TRIM45: variants seen among roughly 807,000 people sequenced by gnomAD.
The protein encoded by TRIM45 is E3 ubiquitin-protein ligase TRIM45.
TRIM45 carries 45 observed loss-of-function variants against 46.7 expected under a neutral mutation model. The observed-to-expected ratio is 0.96, with a 90% CI of 0.76 to 1.24. The LOEUF (loss-of-function observed/expected upper bound fraction) is 1.24, where lower values mean the gene tolerates loss of function less well. TRIM45 is among the 50% of genes most tolerant of loss of function. The pLI is 0.00. For synonymous variants in TRIM45, 259 were observed against 285.8 expected (o/e 0.91, Z 0.94); for missense variants, 680 against 728.4 (o/e 0.93, Z 0.77).
rs536289260 is a variant in TRIM45 at position 117,115,831 on chromosome 1, C to G, written c.1353-142G>C. On this transcript the variant is annotated intron_variant, in intron 3 of 5. Coordinates refer to ENST00000256649, the MANE Select transcript of TRIM45 (RefSeq NM_025188.4). This position sits in a 1 kb window ranked among gnomAD's most constrained non-coding sequence, Gnocchi z 4.2. ...AACAGGATGCTTCTTCCATTTGCTT[C>G]AGAAGTTAATTTTACAACAGAAGGT... 9 of 620,552 alleles carry G rather than the reference C, an allele frequency of 1.5e-5. No individual in the cohort carries two copies. In the African/African-American group the frequency reaches 1.5e-4, roughly 10 times the overall value. The allele number at this position is 620,552 out of a possible 1,614,324, so 38.4% of individuals were successfully genotyped here. A position where few individuals can be genotyped will look rare whatever the true frequency, so the allele number is the denominator to read the frequency against.
Position 117,115,495 on chromosome 1 carries a change from G to C in TRIM45, c.1467+80C>G. The C allele has an allele frequency of 9.9e-7, 1 of 1,010,196 alleles. No homozygotes were observed. The highest frequency in any genetic ancestry group is 1.6e-6 in the Non-Finnish European group (1 of 637,298). 62.6% of individuals were successfully genotyped at this position (1,010,196 alleles called of 1,614,324 possible). A position where few individuals can be genotyped will look rare whatever the true frequency, so the allele number is the denominator to read the frequency against. ...GGATTCTATTCAATCTCTCTGTATA[G>C]CTGATCCTATGTGAAATGTCTCCAG... On this transcript the variant is annotated intron_variant, in intron 4 of 5. Transcript: ENST00000256649. This position sits in a 1 kb window ranked among gnomAD's most constrained non-coding sequence, Gnocchi z 4.2.
At position 117,118,693 on chromosome 1, in the gene TRIM45, G is replaced by A. The variant is rs761358711; in HGVS notation, c.563C>T (p.Pro188Leu). The stretch of plus-strand genomic sequence containing the variant: ...TGCAGGGTGAACAGGACACAGGATG[G>A]GCTTCCCAATCCGGCTGTAGCCTTT... ...DLKGYSRIGK[P>L]ILCPVHPAEE... is the part of the protein sequence containing the mutation. The change falls in exon 2 of 6, where the codon CCC becomes CTC. Residue 188 changes from proline (P) to leucine (L), a missense_variant. Pro to Leu is a moderately conservative substitution (Grantham distance 98). Coordinates refer to ENST00000256649, the MANE Select transcript of TRIM45 (RefSeq NM_025188.4). The surrounding 1 kb of genome is among the most constrained non-coding windows in gnomAD (Gnocchi z 5.7). 1 of 1,613,816 alleles carries A rather than the reference G, an allele frequency of 6.2e-7. No individual in the cohort carries two copies. The highest frequency in any genetic ancestry group is 1.7e-5 in the Admixed American group (1 of 60,030).
In TRIM45 at chr1:117,113,031, A is replaced by C. The variant is rs1424290764; in HGVS notation, c.1594+328T>G. The stretch of plus-strand genomic sequence containing the variant: ...TCATTTGGAATTTATTTAAGGTTCT[A>C]AAAGGAATAAGATGGGTCCATAGTT... On this transcript the variant is annotated intron_variant, in intron 5 of 5. Coordinates refer to ENST00000256649, the MANE Select transcript of TRIM45 (RefSeq NM_025188.4). The surrounding 1 kb of genome is among the most constrained non-coding windows in gnomAD (Gnocchi z 4.0). Among the ~76,000 whole-genome samples the C allele has an allele frequency of 2.6e-5, 4 of 152,202 alleles. No homozygotes were observed. The highest frequency in any genetic ancestry group is 5.9e-5 in the Non-Finnish European group (4 of 68,028).
At position 117,116,192 on chromosome 1, in the gene TRIM45, A is replaced by G. The variant is rs192819630; in HGVS notation, c.1352+424T>C. Reference sequence around the variant, plus strand: ...ATTTGGTCACGTAACGTTTCATAGTATTATGGGGAGGTAAGACGTAACTAG... The same window carrying G: ...ATTTGGTCACGTAACGTTTCATAGTGTTATGGGGAGGTAAGACGTAACTAG... On this transcript the variant is annotated intron_variant, in intron 3 of 5. Transcript: ENST00000256649. This position sits in a 1 kb window ranked among gnomAD's most constrained non-coding sequence, Gnocchi z 4.6. Among the ~76,000 whole-genome samples the G allele has an allele frequency of 3.7e-4, 56 of 152,128 alleles. No individual in the cohort carries two copies. The highest frequency in any genetic ancestry group is 1.3e-3 in the African/African-American group (55 of 41,504).
chr1:117,120,046 C>CT (rs1181845042), intron 1 of TRIM45, among the ~76,000 whole-genome samples: 3 of 152,146 alleles, frequency 2.0e-5, no homozygotes, highest in African/African-American at 7.2e-5. Context: ...AGTGATCCAT[C>CT]TGACAAACTA....
chr1:117,112,304 A>G lies in TRIM45; in HGVS notation c.*1T>C, dbSNP rs201350582. 2 of 1,596,324 alleles carry G rather than the reference A, an allele frequency of 1.3e-6. No homozygotes were observed. Among genetic ancestry groups the G allele is most frequent in the African/African-American group, 2.7e-5 (2 of 74,334 alleles). Reference sequence around the variant, plus strand: ...GCTTTAAAAGGCTGAGCACAAACCCATCAGAGAGCCACAGTCCTAAGTAGA... The same window carrying G: ...GCTTTAAAAGGCTGAGCACAAACCCGTCAGAGAGCCACAGTCCTAAGTAGA... On this transcript the variant is annotated 3_prime_UTR_variant, in exon 6 of 6. Transcript: ENST00000256649.
In TRIM45 at chr1:117,114,957, G is replaced by T. The variant is rs116665204; in HGVS notation, c.1467+618C>A. Among the ~76,000 whole-genome samples the T allele has an allele frequency of 7.5e-3, 1,144 of 152,254 alleles. 5 individuals carry two copies. The highest frequency in any genetic ancestry group is 0.012 in the Non-Finnish European group (809 of 68,008). Reference sequence around the variant, plus strand: ...CAGAGAGATTCTGCTCGACCTGTTAGTATCACCCAATTTTTAAAAACTCAT... The same window carrying T: ...CAGAGAGATTCTGCTCGACCTGTTATTATCACCCAATTTTTAAAAACTCAT... On this transcript the variant is annotated intron_variant, in intron 4 of 5. Coordinates refer to ENST00000256649, the MANE Select transcript of TRIM45 (RefSeq NM_025188.4).
Position 117,113,554 on chromosome 1 carries a change from T to C in TRIM45, c.1468-69A>G, listed in dbSNP as rs552764855. 4.6e-4 allele frequency: 725 copies of C among 1,561,172 alleles called. No individual in the cohort carries two copies. Among genetic ancestry groups the C allele is most frequent in the Non-Finnish European group, 6.0e-4 (688 of 1,150,116 alleles). On this transcript the variant is annotated intron_variant, in intron 4 of 5. Coordinates refer to ENST00000256649, the MANE Select transcript of TRIM45 (RefSeq NM_025188.4). This position sits in a 1 kb window ranked among gnomAD's most constrained non-coding sequence, Gnocchi z 4.0. Reference sequence around the variant, plus strand: ...TAACAGGATGTGCTGCGCATCACTATGTGCTAAACAGAGTCTGAGGCACAG... The same window carrying C: ...TAACAGGATGTGCTGCGCATCACTACGTGCTAAACAGAGTCTGAGGCACAG...
rs1650300414 is a variant in TRIM45, at chr1:117,113,571, G to A, written c.1468-86C>T. On this transcript the variant is annotated intron_variant, in intron 4 of 5. Coordinates refer to ENST00000256649, the MANE Select transcript of TRIM45 (RefSeq NM_025188.4). This position sits in a 1 kb window ranked among gnomAD's most constrained non-coding sequence, Gnocchi z 4.0. ...CATCACTATGTGCTAAACAGAGTCT[G>A]AGGCACAGGGCCTGTCCTTGGATGG... is the stretch of plus-strand genomic sequence containing the variant. 4 of 1,512,432 alleles carry A rather than the reference G, an allele frequency of 2.6e-6. No individual in the cohort carries two copies. Among genetic ancestry groups the A allele is most frequent in the East Asian group, 2.4e-5 (1 of 42,338 alleles). 93.7% of individuals were successfully genotyped at this position (1,512,432 alleles called of 1,614,324 possible).
rs780084081 is a variant in TRIM45 at position 117,120,717 on chromosome 1, T to G, written c.485A>C (p.His162Pro). 3.1e-6 allele frequency: 5 copies of G among 1,602,398 alleles called. No homozygotes were observed. Among genetic ancestry groups the G allele is most frequent in the South Asian group, 2.2e-5 (2 of 89,018 alleles). Residue 162 changes from histidine (H) to proline (P), a missense_variant, in exon 1 of 6, where the codon CAT becomes CCT. Around this residue, in one of 3 missense-constraint regions of TRIM45, gnomAD observed 349 missense variants for 343.6 expected, o/e 1.02. Coordinates refer to ENST00000256649, the MANE Select transcript of TRIM45 (RefSeq NM_025188.4). ...TGATGGAGTGTCCCATCTTTACCTA[T>G]GAGCCTGGCAGCAGAAGTGGCAGAG... ...ANLCHFCCQA[H>P]RRQKKTTYHT... is the part of the protein sequence containing the mutation.
At position 117,121,174 on chromosome 1, in the gene TRIM45, C is replaced by T; in HGVS notation, c.28G>A (p.Gly10Ser). 1 of 1,569,888 alleles carries T rather than the reference C, an allele frequency of 6.4e-7. No individual in the cohort carries two copies. Among genetic ancestry groups the T allele is most frequent in the Non-Finnish European group, 8.6e-7 (1 of 1,161,130 alleles). Reference sequence around the variant, plus strand: ...CCACTAGTGAGTTTGCTTACAAAGCCCAGCAGCGGTTTTCTGTTTTCTGAC... The same window carrying T: ...CCACTAGTGAGTTTGCTTACAAAGCTCAGCAGCGGTTTTCTGTTTTCTGAC... MSENRKPLL[G>S]FVSKLTSGTA... The change falls in exon 1 of 6, where the codon GGC becomes AGC. Residue 10 changes from glycine (G) to serine (S), a missense_variant. Gly to Ser is a moderately conservative substitution (Grantham distance 56). Transcript: ENST00000256649. The surrounding 1 kb of genome is among the most constrained non-coding windows in gnomAD (Gnocchi z 4.2).
At position 117,118,267 on chromosome 1, in the gene TRIM45, AACTCC is replaced by A. The variant is rs1650479391; in HGVS notation, c.984_988del (p.Glu329HisfsTer33). ...GCCGCTGGTCAGCAAGTGCTCGGTG[AACTCC>A]ACTCCAGTCCGCATGTCTGCCAGTA... is the stretch of plus-strand genomic sequence containing the variant. On this transcript the variant is annotated frameshift_variant, in exon 2 of 6. Coordinates refer to ENST00000256649, the MANE Select transcript of TRIM45 (RefSeq NM_025188.4). LOFTEE classifies it high-confidence loss of function. This position sits in a 1 kb window ranked among gnomAD's most constrained non-coding sequence, Gnocchi z 5.7. The A allele has an allele frequency of 1.2e-6, 2 of 1,614,114 alleles. No individual in the cohort carries two copies. The highest frequency in any genetic ancestry group is 1.7e-6 in the Non-Finnish European group (2 of 1,180,012).
At chr1:117,122,965 T>G (rs1421356919), upstream of TRIM45, among the ~76,000 whole-genome samples, 1 of 151,878 alleles carries the variant, frequency 6.6e-6, no homozygotes. Context: ...ATTATCTGTT[T>G]CATGCTATAG....
Position 117,121,292 on chromosome 1 carries a change from T to C in TRIM45, c.-91A>G. 1.4e-6 allele frequency: 2 copies of C among 1,450,860 alleles called. No homozygotes were observed. Among genetic ancestry groups the C allele is most frequent in the Non-Finnish European group, 1.8e-6 (2 of 1,092,470 alleles). The allele number at this position is 1,450,860 out of a possible 1,614,324, so 89.9% of individuals were successfully genotyped here. A position where few individuals can be genotyped will look rare whatever the true frequency, so the allele number is the denominator to read the frequency against. On this transcript the variant is annotated 5_prime_UTR_variant, in exon 1 of 6. Coordinates refer to ENST00000256649, the MANE Select transcript of TRIM45 (RefSeq NM_025188.4). The surrounding 1 kb of genome is among the most constrained non-coding windows in gnomAD (Gnocchi z 4.2). ...ATTAAGCCCACCCAAAGAGAAAGTC[T>C]CCAGAACTTGAACAGAGACCATGGG...
rs1250904347 is a variant in TRIM45 at position 117,116,872 on chromosome 1, C to T, written c.1223-127G>A. Reference sequence around the variant, plus strand: ...TAACCACCCTGGGTCCCTTTGTTTTCTCTTCCCCTTCTGCCTCCCAGAGTA... The same window carrying T: ...TAACCACCCTGGGTCCCTTTGTTTTTTCTTCCCCTTCTGCCTCCCAGAGTA... On this transcript the variant is annotated intron_variant, in intron 2 of 5. Transcript: ENST00000256649. The surrounding 1 kb of genome is among the most constrained non-coding windows in gnomAD (Gnocchi z 4.6). 1.1e-5 allele frequency: 15 copies of T among 1,332,476 alleles called. No individual in the cohort carries two copies. The highest frequency in any genetic ancestry group is 1.4e-5 in the Non-Finnish European group (14 of 980,306). 82.5% of individuals were successfully genotyped at this position (1,332,476 alleles called of 1,614,324 possible). A position where few individuals can be genotyped will look rare whatever the true frequency, so the allele number is the denominator to read the frequency against.
chr1:117,118,403 T>C lies in TRIM45; in HGVS notation c.853A>G (p.Ile285Val). ...TCCCGATGCTCCTCAATGGCCTTAA[T>C]GTAGCCCTCCGAGAATGTCCGGACA... ...ADVRTFSEGYIKAIEEHRDKL... is the reference protein window; with the variant it reads ...ADVRTFSEGYVKAIEEHRDKL... The change falls in exon 2 of 6, where the codon ATT becomes GTT. Residue 285 changes from isoleucine to valine, a missense_variant. By Grantham distance (29) the Ile-to-Val change is conservative. Coordinates refer to ENST00000256649, the MANE Select transcript of TRIM45 (RefSeq NM_025188.4). This position sits in a 1 kb window ranked among gnomAD's most constrained non-coding sequence, Gnocchi z 5.7. 6.2e-6 allele frequency: 10 copies of C among 1,614,158 alleles called. No individual in the cohort carries two copies. The highest frequency in any genetic ancestry group is 1.6e-4 in the Middle Eastern group (1 of 6,062).
Position 117,121,148 on chromosome 1 carries a change from C to G in TRIM45, c.54G>C (p.Gly18=), listed in dbSNP as rs1343987614. The G allele has an allele frequency of 1.3e-6, 2 of 1,595,352 alleles. No homozygotes were observed. The highest frequency in any genetic ancestry group is 2.7e-5 in the African/African-American group (2 of 73,746). Residue 18 remains glycine, a synonymous_variant, in exon 1 of 6, where the codon GGG becomes GGC. Transcript: ENST00000256649. This position sits in a 1 kb window ranked among gnomAD's most constrained non-coding sequence, Gnocchi z 4.2. Reference sequence around the variant, plus strand: ...TCTTGCCTGAGTTCCCAAGTGCAGTCCCACTAGTGAGTTTGCTTACAAAGC... The same window carrying G: ...TCTTGCCTGAGTTCCCAAGTGCAGTGCCACTAGTGAGTTTGCTTACAAAGC... ...LLGFVSKLTS[G]TALGNSGKTH... is the part of the protein sequence containing the mutation.
rs1327502707 is a variant in TRIM45 at position 117,115,336 on chromosome 1, G to A, written c.1467+239C>T. Among the ~76,000 whole-genome samples, 1 of 152,184 alleles carries A rather than the reference G, an allele frequency of 6.6e-6. No individual in the cohort carries two copies. The highest frequency in any genetic ancestry group is 1.5e-5 in the Non-Finnish European group (1 of 68,038). On this transcript the variant is annotated intron_variant, in intron 4 of 5. Coordinates refer to ENST00000256649, the MANE Select transcript of TRIM45 (RefSeq NM_025188.4). The surrounding 1 kb of genome is among the most constrained non-coding windows in gnomAD (Gnocchi z 4.2). ...TTAAGAATCCTAAGAAACCAACTGG[G>A]AGAATGATAAGCTATAAGCATAACT...
upstream of TRIM45, among the ~76,000 whole-genome samples, chr1:117,123,041 GAA>G (rs11355900): frequency 0.56 from 78,749 of 140,738 alleles, 22,103 homozygotes; most frequent in East Asian, 0.74. Flanking sequence ...CCCAAAATAT[GAA>G]AAAAAAAAAA....
Sources: gnomAD v4.1 joint callset for allele counts (sites outside exome capture counted in the v4.1 genomes callset) on GRCh38, gnomAD v4.1.1 for gene constraint, gnomAD v4.1.1 regional missense constraint, Gnocchi (gnomAD v3.1) non-coding constraint, MANE v1.5 for transcripts, NCBI Gene and HGNC (gene_info 2026-07-23, HGNC 2026-07-21) for gene names.